Variants in ERCC8 observed in about 807,000 individuals in gnomAD.
ERCC8 encodes DNA excision repair protein ERCC-8.
A neutral mutation model predicts 54.9 loss-of-function variants in ERCC8; 52 were observed. The observed-to-expected ratio is 0.95, with a 90% CI of 0.76 to 1.19. The LOEUF (loss-of-function observed/expected upper bound fraction) is 1.19. ERCC8 is among the 50% of genes most tolerant of loss of function. ERCC8 has a pLI of 0.00. For synonymous variants in ERCC8, 146 were observed against 157.2 expected (o/e 0.93, Z 0.53); for missense variants, 514 against 466.1 (o/e 1.10, Z -0.95).
At chr5:60,892,326 C>T in intron 9 of ERCC8, 1 of 556,660 alleles carries the variant, frequency 1.8e-6, no homozygotes, top group Admixed American at 1.9e-5. Flanking sequence ...TCTGTGTCAC[C>T]CAATAGCTCA....
At chr5:60,921,348 A>C (rs1451510550) in intron 3 of ERCC8, among the ~76,000 whole-genome samples, 1 of 151,944 alleles carries the variant, frequency 6.6e-6, no homozygotes, top group African/African-American at 2.4e-5. Flanking sequence ...GCATTTTCTC[A>C]GTGCCCATTC....
chr5:60,944,622 G>T (rs1169186136), intron 1 of ERCC8, among the ~76,000 whole-genome samples: 1 of 152,190 alleles, frequency 6.6e-6, no homozygotes, highest in East Asian at 1.9e-4. Flanking sequence ...TTATTCTTTG[G>T]AGTAACTTAA....
intron 9 of ERCC8, among the ~76,000 whole-genome samples, chr5:60,895,373 T>C (rs544263367): frequency 2.6e-5 from 4 of 152,176 alleles, no homozygotes; most frequent in Non-Finnish European, 5.9e-5. Context: ...AGCTACCTCA[T>C]GGCAGTAGCA....
At chr5:60,939,645 C>T (rs4647053) in intron 1 of ERCC8, among the ~76,000 whole-genome samples, 1,999 of 152,008 alleles carry the variant, frequency 0.013, 19 homozygotes, top group Non-Finnish European at 0.022. Context: ...CCACCGCACC[C>T]GGAGCACGCC....
rs1387528558 is a variant in ERCC8, at chr5:60,873,481, C to T, written c.*1134G>A. Among the ~76,000 whole-genome samples, 1 of 152,098 alleles carries T rather than the reference C, an allele frequency of 6.6e-6. No individual in the cohort carries two copies. The highest frequency in any genetic ancestry group is 2.4e-5 in the African/African-American group (1 of 41,420). On this transcript the variant is annotated 3_prime_UTR_variant, in exon 12 of 12. Transcript: ENST00000676185. ...TTTGAGGTCAGCAGTTCGCAACCAG[C>T]CTGGCCAACATGGTGAAACCCCATC...
intron 3 of ERCC8, among the ~76,000 whole-genome samples, chr5:60,919,161 G>C (rs1296709176): frequency 6.6e-6 from 1 of 151,984 alleles, no homozygotes; most frequent in South Asian, 2.1e-4. Context: ...TAGTGGTACT[G>C]TAGTTATGCT....
At position 60,874,159 on chromosome 5, in the gene ERCC8, T is replaced by G. The variant is rs1373019112; in HGVS notation, c.*456A>C. The G allele has an allele frequency of 6.5e-6, 1 of 153,468 alleles. No individual in the cohort carries two copies. Among genetic ancestry groups the G allele is most frequent in the East Asian group, 1.9e-4 (1 of 5,216 alleles). The allele number at this position is 153,468 out of a possible 1,614,324, so 9.5% of individuals were successfully genotyped here. A position where few individuals can be genotyped will look rare whatever the true frequency, so the allele number is the denominator to read the frequency against. On this transcript the variant is annotated 3_prime_UTR_variant, in exon 12 of 12. Transcript: ENST00000676185. ...ACATGAAGAAGAAAGAATAAAATAA[T>G]TTTGATGTTACCATTTCAACTACTA...
chr5:60,879,343 C>G lies in ERCC8; in HGVS notation c.1123-4660G>C, dbSNP rs958612731. 4.6e-5 allele frequency among the ~76,000 whole-genome samples: 7 copies of G among 152,196 alleles called. No individual in the cohort carries two copies. The South Asian group carries it at 1.2e-3, about 27-fold the overall frequency. ...TGTGGTGCTGAAAAGAATGTATACT[C>G]TGTTGATTTGGGGTGGAGAGTTCTG... On this transcript the variant is annotated intron_variant, in intron 11 of 11. Coordinates refer to ENST00000676185, the MANE Select transcript of ERCC8 (RefSeq NM_000082.4).
At chr5:60,914,760 T>G (rs746991834) in intron 4 of ERCC8, among the ~76,000 whole-genome samples, 41 of 148,724 alleles carry the variant, frequency 2.8e-4, no homozygotes, top group Non-Finnish European at 3.7e-4. Flanking sequence ...GCACTCTAGC[T>G]TGGGGAACAG....
In ERCC8 at chr5:60,899,859, T is replaced by C. The variant is rs139404920; in HGVS notation, c.618-132A>G. 1.3e-4 allele frequency: 86 copies of C among 669,192 alleles called. No homozygotes were observed. The African/African-American group carries it at 1.3e-3, about 10-fold the overall frequency. 41.5% of individuals were successfully genotyped at this position (669,192 alleles called of 1,614,324 possible). A position where few individuals can be genotyped will look rare whatever the true frequency, so the allele number is the denominator to read the frequency against. ...CATATGTATTCATACATTAGGGTTG[T>C]TGAACTTTTGCCTTTTCAGCAAATA... is the stretch of plus-strand genomic sequence containing the variant. On this transcript the variant is annotated intron_variant, in intron 7 of 11. Coordinates refer to ENST00000676185, the MANE Select transcript of ERCC8 (RefSeq NM_000082.4).
At chr5:60,918,474 G>C in intron 3 of ERCC8, 86 bp from the exon 4 acceptor site, 1 of 1,219,410 alleles carries the variant, frequency 8.2e-7, no homozygotes. Context: ...AGTAGTCTCA[G>C]GTAGGATGAT....
At chr5:60,887,655 C>T (rs892177004) in intron 10 of ERCC8, 135 bp from the exon 11 acceptor site, 31 of 699,232 alleles carry the variant, frequency 4.4e-5, no homozygotes, top group Admixed American at 9.3e-5. Context: ...GAAACTAGGC[C>T]AATGCTGTTT....
intron 11 of ERCC8, among the ~76,000 whole-genome samples, chr5:60,883,066 G>C (rs1283396407): frequency 6.6e-6 from 1 of 151,972 alleles, no homozygotes; most frequent in Non-Finnish European, 1.5e-5. Flanking sequence ...TGGAAGCCCA[G>C]TGTGTAACCT....
chr5:60,895,976 T>C (rs1258368749), intron 9 of ERCC8, among the ~76,000 whole-genome samples: 1 of 148,468 alleles, frequency 6.7e-6, no homozygotes, highest in Non-Finnish European at 1.5e-5. Flanking sequence ...GTCATATTAA[T>C]ATTTCTTTTC....
chr5:60,920,667 A>G lies in ERCC8; in HGVS notation c.275+1387T>C, dbSNP rs1361144549. On this transcript the variant is annotated intron_variant, in intron 3 of 11. Transcript: ENST00000676185. ...AACTCATTTTGTAAAGATGCATACT[A>G]TATGTCCATTTTCAAATTCAAAGTC... Among the ~76,000 whole-genome samples the G allele has an allele frequency of 3.3e-5, 5 of 151,944 alleles. No individual in the cohort carries two copies. The East Asian group carries it at 9.6e-4, about 29-fold the overall frequency.
intron 1 of ERCC8, among the ~76,000 whole-genome samples, chr5:60,943,439 T>A (rs1008160572): frequency 1.3e-5 from 2 of 152,160 alleles, no homozygotes; most frequent in African/African-American, 4.8e-5. Context: ...ATTACATAAA[T>A]AACATATGAA....
In ERCC8 at chr5:60,866,543, A is replaced by G. The variant is rs1747752744; in HGVS notation, c.*8072T>C. 6.6e-6 allele frequency: 1 copy of G among 152,200 alleles called. No individual in the cohort carries two copies. Among genetic ancestry groups the G allele is most frequent in the Non-Finnish European group, 1.5e-5 (1 of 68,026 alleles). 9.4% of individuals were successfully genotyped at this position (152,200 alleles called of 1,614,324 possible). ...CCGTTCTACAAATGAATAAACTTGC[A>G]AAATCAAATAGGTAATCAATGATGG... is the stretch of plus-strand genomic sequence containing the variant. On this transcript the variant is annotated 3_prime_UTR_variant, in exon 12 of 12. Coordinates refer to ENST00000676185, the MANE Select transcript of ERCC8 (RefSeq NM_000082.4).
intron 8 of ERCC8, 70 bp downstream of exon 8, chr5:60,899,557 G>C: frequency 8.9e-7 from 1 of 1,125,984 alleles, no homozygotes; most frequent in Middle Eastern, 2.0e-4. Context: ...TTATTATGTG[G>C]CTTCAATTAA....
chr5:60,927,445 G>A (rs958416978), intron 2 of ERCC8, among the ~76,000 whole-genome samples: 10 of 152,124 alleles, frequency 6.6e-5, no homozygotes, highest in Admixed American at 2.0e-4. Context: ...GCAATAAAGC[G>A]GAAAATCACT....
Sources: gnomAD v4.1 joint callset for allele counts (sites outside exome capture counted in the v4.1 genomes callset) on GRCh38, gnomAD v4.1.1 for gene constraint, MANE v1.5 for transcripts, NCBI Gene and HGNC (gene_info 2026-07-23, HGNC 2026-07-21) for gene names.